CTNNA2: variants seen among roughly 807,000 people sequenced by gnomAD.
CTNNA2 encodes the protein catenin alpha-2.
CTNNA2 carries 42 observed loss-of-function variants against 101.0 expected under a neutral mutation model. The observed-to-expected ratio is 0.42, with a 90% CI of 0.32 to 0.54. CTNNA2 has a LOEUF of 0.54. CTNNA2 is among the 20% of genes least tolerant of loss of function. The probability of loss-of-function intolerance (pLI) is 0.14; values close to 1 mark genes in which losing one functional copy is unlikely to be tolerated. For missense variants in CTNNA2, 871 were observed against 1,223.1 expected (o/e 0.71, Z 4.29); for synonymous variants, 450 against 456.4 (o/e 0.99, Z 0.18).
At chr2:80,075,606 A>G (rs1485777105) in intron 7 of CTNNA2, among the ~76,000 whole-genome samples, 1 of 108,496 alleles carries the variant, frequency 9.2e-6, no homozygotes, top group African/African-American at 4.2e-5. Context: ...ATAAATATTT[A>G]TACATGTATA....
intron 7 of CTNNA2, among the ~76,000 whole-genome samples, chr2:80,277,566 A>AAAAAT: frequency 6.6e-6 from 1 of 151,620 alleles, no homozygotes; most frequent in African/African-American, 2.4e-5. Context: ...AAAAAAAAAA[A>AAAAAT]AAAAAAATGG....
intron 2 of CTNNA2, among the ~76,000 whole-genome samples, chr2:79,293,928 C>G (rs1675898953): frequency 6.6e-6 from 1 of 151,982 alleles, no homozygotes; most frequent in South Asian, 2.1e-4. Context: ...ATGGCCTCAT[C>G]TATAAAACGA....
At chr2:79,225,060 A>G (rs1297730690) in intron 2 of CTNNA2, among the ~76,000 whole-genome samples, 2 of 152,086 alleles carry the variant, frequency 1.3e-5, no homozygotes, top group East Asian at 1.9e-4. Flanking sequence ...GTTTTTGACT[A>G]CTATGAGTAA....
chr2:80,292,563 T>C (rs1231009490), intron 7 of CTNNA2, among the ~76,000 whole-genome samples: 4 of 152,220 alleles, frequency 2.6e-5, no homozygotes, highest in African/African-American at 9.6e-5. Context: ...AAGTAAAATA[T>C]ATGATTAACA....
chr2:80,292,421 C>A (rs914639556), intron 7 of CTNNA2, among the ~76,000 whole-genome samples: 2 of 151,924 alleles, frequency 1.3e-5, no homozygotes, highest in South Asian at 2.1e-4. Flanking sequence ...AGTTGTTGAC[C>A]CACCCCAACC....
At chr2:79,732,862 C>T (rs1184627001) in intron 2 of CTNNA2, among the ~76,000 whole-genome samples, 1 of 151,996 alleles carries the variant, frequency 6.6e-6, no homozygotes, top group Non-Finnish European at 1.5e-5. Flanking sequence ...TCTTTAACAC[C>T]TGGCTTCCAT....
chr2:79,428,899 A>T (rs1678621805), intron 4 of CTNNA2, among the ~76,000 whole-genome samples: 1 of 152,166 alleles, frequency 6.6e-6, no homozygotes, highest in Admixed American at 6.6e-5. Flanking sequence ...TGAGAGATCC[A>T]GCCTCTCAAT....
At chr2:79,725,304 G>T (rs1017626555) in intron 2 of CTNNA2, among the ~76,000 whole-genome samples, 2 of 152,186 alleles carry the variant, frequency 1.3e-5, no homozygotes, top group Non-Finnish European at 2.9e-5. Flanking sequence ...CCCTGGCTGC[G>T]CTACTGACTT....
intron 9 of CTNNA2, among the ~76,000 whole-genome samples, chr2:80,542,694 C>G (rs1001036127): frequency 6.6e-6 from 1 of 151,974 alleles, no homozygotes; most frequent in African/African-American, 2.4e-5. Context: ...AGTGTGATCT[C>G]AAGTCTTTTG....
chr2:80,534,356 T>C (rs1690807434), intron 9 of CTNNA2, among the ~76,000 whole-genome samples: 1 of 152,182 alleles, frequency 6.6e-6, no homozygotes, highest in African/African-American at 2.4e-5. Flanking sequence ...TAAACTTATT[T>C]GATTAACTGA....
At chr2:79,591,708 G>A (rs193092963) in intron 1 of CTNNA2, among the ~76,000 whole-genome samples, 7 of 152,184 alleles carry the variant, frequency 4.6e-5, no homozygotes, top group East Asian at 1.9e-4. Flanking sequence ...AGGGGATACT[G>A]GTCTCTTTTA....
intron 1 of CTNNA2, among the ~76,000 whole-genome samples, chr2:79,524,109 G>T (rs1010471193): frequency 1.3e-5 from 2 of 151,864 alleles, no homozygotes; most frequent in Admixed American, 1.3e-4. Flanking sequence ...TGATAATCAG[G>T]TTATCAATTT....
At chr2:79,203,549 G>T (rs762554676) in intron 2 of CTNNA2, among the ~76,000 whole-genome samples, 27 of 152,304 alleles carry the variant, frequency 1.8e-4, no homozygotes, top group Non-Finnish European at 3.4e-4. Context: ...AAAAACAGGT[G>T]CAAAATAGCT....
At chr2:79,332,354 A>C (rs1443414799) in intron 3 of CTNNA2, among the ~76,000 whole-genome samples, 1 of 151,990 alleles carries the variant, frequency 6.6e-6, no homozygotes, top group Non-Finnish European at 1.5e-5. Context: ...CAATGTAATC[A>C]GTAAGAAATA....
chr2:79,685,147 A>G (rs931075597), intron 2 of CTNNA2, among the ~76,000 whole-genome samples: 2 of 152,200 alleles, frequency 1.3e-5, no homozygotes, highest in African/African-American at 2.4e-5. Context: ...TATTTAAAAT[A>G]TGACTTAATT....
intron 1 of CTNNA2, among the ~76,000 whole-genome samples, chr2:79,603,014 G>A (rs572554043): frequency 5.9e-5 from 9 of 152,022 alleles, no homozygotes; most frequent in Admixed American, 3.3e-4. Flanking sequence ...TACTTTTCTC[G>A]TAAGGAGGCT....
chr2:79,954,211 G>A (rs1338253862), intron 7 of CTNNA2, among the ~76,000 whole-genome samples: 1 of 152,088 alleles, frequency 6.6e-6, no homozygotes, highest in Non-Finnish European at 1.5e-5. Context: ...GAACAGCATG[G>A]GGGAAACCAC....
At chr2:79,475,472 G>A (rs1287054324) in intron 4 of CTNNA2, among the ~76,000 whole-genome samples, 1 of 152,118 alleles carries the variant, frequency 6.6e-6, no homozygotes, top group Admixed American at 6.5e-5. Context: ...CAAAGTGCTA[G>A]CATTGAATAA....
At chr2:79,343,751 A>G (rs1401205279) in intron 3 of CTNNA2, among the ~76,000 whole-genome samples, 2 of 118,680 alleles carry the variant, frequency 1.7e-5, no homozygotes, top group Middle Eastern at 4.5e-3. Flanking sequence ...TATTATTATT[A>G]TTATTATTTG....
Sources: allele counts gnomAD v4.1 joint callset (sites outside exome capture counted in the v4.1 genomes callset), GRCh38; gene constraint gnomAD v4.1.1; transcripts MANE v1.5; gene names NCBI Gene and HGNC (gene_info 2026-07-23, HGNC 2026-07-21).